ARID1B: variants seen among roughly 807,000 people sequenced by gnomAD.
ARID1B encodes AT-rich interactive domain-containing protein 1B.
In ARID1B, 30 loss-of-function variants were observed where a neutral mutation model predicts 212.3. The ratio of observed to expected loss-of-function variants is 0.14; its 90% confidence interval spans 0.11 to 0.19. The LOEUF (loss-of-function observed/expected upper bound fraction) is 0.19. ARID1B is among the 10% of genes least tolerant of loss of function. The probability of loss-of-function intolerance (pLI) is 1.00; values close to 1 mark genes in which losing one functional copy is unlikely to be tolerated. For missense variants in ARID1B, 2,891 were observed against 3,204.0 expected, an observed-to-expected ratio of 0.90 and a Z score of 2.36; for synonymous variants, 1,402 against 1,301.7, an observed-to-expected ratio of 1.08 and a Z score of -1.66.
chr6:157,184,887 GT>G lies in ARID1B; in HGVS notation c.3919+453del, dbSNP rs1792866215. 1.6e-5 allele frequency: 3 copies of G among 182,786 alleles called. No individual in the cohort carries two copies. The South Asian group carries it at 3.4e-4, about 21-fold the overall frequency. The allele number at this position is 182,786 out of a possible 1,614,324, so 11.3% of individuals were successfully genotyped here. On this transcript the variant is annotated intron_variant, in intron 13 of 19. Transcript: ENST00000636930. ...CGGAAATCCTCAGATTTGAACTTTA[GT>G]AAAATGAAGCCTGGGCTTCGTTTCT...
At chr6:157,061,398 A>G (rs1006102797) in intron 4 of ARID1B, among the ~76,000 whole-genome samples, 2 of 152,214 alleles carry the variant, frequency 1.3e-5, no homozygotes, top group Non-Finnish European at 2.9e-5. Flanking sequence ...TCCACATGTC[A>G]ACCCTGCAAG....
chr6:157,037,849 G>C (rs539778573), intron 4 of ARID1B, among the ~76,000 whole-genome samples: 1 of 152,210 alleles, frequency 6.6e-6, no homozygotes, highest in Non-Finnish European at 1.5e-5. Context: ...GGCAACCGCA[G>C]TGTGCAGGGT....
intron 4 of ARID1B, among the ~76,000 whole-genome samples, chr6:156,999,771 C>T (rs1778804430): frequency 6.6e-6 from 1 of 152,186 alleles, no homozygotes; most frequent in Non-Finnish European, 1.5e-5. Context: ...AATGGAAAAA[C>T]AATTCCACTG....
intron 4 of ARID1B, among the ~76,000 whole-genome samples, chr6:157,043,898 A>G (rs1583206057): frequency 6.6e-6 from 1 of 152,354 alleles, no homozygotes; most frequent in South Asian, 2.1e-4. Context: ...CAGGTTCTGC[A>G]GTTGTATTCA....
In ARID1B at chr6:157,198,869, T is replaced by C; in HGVS notation, c.4441T>C (p.Tyr1481His). The change falls in exon 17 of 20, where the codon TAT becomes CAT. Residue 1481 changes from tyrosine to histidine, a missense_variant. By Grantham distance (83) the Tyr-to-His change is moderately conservative. This residue lies in a region of ARID1B where 666 missense variants were observed against 873.5 expected (regional missense o/e 0.76). Coordinates refer to ENST00000636930, the MANE Select transcript of ARID1B (RefSeq NM_001374828.1). ...AGGCCCTCCCTCGGGACAGCCGCCG[T>C]ATGGAGGGCACCAGCCCGGCCTGTA... ...GQGPPSGQPP[Y>H]GGHQPGLYPQ... is the part of the protein sequence containing the mutation. 1.2e-6 allele frequency: 2 copies of C among 1,610,998 alleles called. No homozygotes were observed. The highest frequency in any genetic ancestry group is 1.7e-6 in the Non-Finnish European group (2 of 1,178,850).
chr6:156,793,816 A>G (rs1438116228), intron 1 of ARID1B, among the ~76,000 whole-genome samples: 1 of 152,262 alleles, frequency 6.6e-6, no homozygotes, highest in Non-Finnish European at 1.5e-5. Flanking sequence ...GCCATAAATA[A>G]CAGTGCTATA....
Position 156,852,607 on chromosome 6 carries a change from A to G in ARID1B, c.1986+23186A>G, listed in dbSNP as rs187746693. Among the ~76,000 whole-genome samples the G allele has an allele frequency of 4.4e-3, 668 of 152,292 alleles. 1 individual carries two copies. Among genetic ancestry groups the G allele is most frequent in the Middle Eastern group, 0.027 (8 of 294 alleles). On this transcript the variant is annotated intron_variant, in intron 2 of 19. Transcript: ENST00000636930. ...TTTTACCATTAGCAGATGTTTTTCCAAAACTAACCACAAGGAAGCATGTCA... is the reference window on the plus strand; with the variant it reads ...TTTTACCATTAGCAGATGTTTTTCCGAAACTAACCACAAGGAAGCATGTCA...
rs754060642 is a variant in ARID1B at position 156,778,289 on chromosome 6, G to GCAA, written c.612_614dup (p.Gln214dup). 3.9e-6 allele frequency: 6 copies of GCAA among 1,531,992 alleles called. No individual in the cohort carries two copies. Among genetic ancestry groups the GCAA allele is most frequent in the Admixed American group, 3.9e-5 (2 of 50,732 alleles). 94.9% of individuals were successfully genotyped at this position (1,531,992 alleles called of 1,614,324 possible). ...AGTTCCAGCAGCAGCAGCAGCAGCA[G>GCAA]CAACAGCAGCAGCAGCAGCAGCAGC... On this transcript the variant is annotated inframe_insertion, in exon 1 of 20. Coordinates refer to ENST00000636930, the MANE Select transcript of ARID1B (RefSeq NM_001374828.1).
intron 4 of ARID1B, among the ~76,000 whole-genome samples, chr6:157,039,520 C>T (rs191033788): frequency 3.2e-3 from 487 of 151,710 alleles, no homozygotes; most frequent in South Asian, 6.9e-3. Context: ...TTAGTAGAGA[C>T]GGGGTTTCAC....
intron 2 of ARID1B, among the ~76,000 whole-genome samples, chr6:156,894,574 T>C (rs1343095043): frequency 6.6e-6 from 1 of 152,202 alleles, no homozygotes; most frequent in African/African-American, 2.4e-5. Context: ...ATGTTAGAAT[T>C]CAGTAGTGGG....
chr6:156,839,788 G>GA (rs1427764552), intron 2 of ARID1B, among the ~76,000 whole-genome samples: 1 of 152,224 alleles, frequency 6.6e-6, no homozygotes, highest in Non-Finnish European at 1.5e-5. Flanking sequence ...AGTGAGACAT[G>GA]AGGCTCCAGG....
chr6:156,842,043 C>G (rs1368116975), intron 2 of ARID1B, among the ~76,000 whole-genome samples: 2 of 152,152 alleles, frequency 1.3e-5, no homozygotes, highest in East Asian at 1.9e-4. Flanking sequence ...CACGTAAAGT[C>G]TTTTGTGACC....
intron 11 of ARID1B, among the ~76,000 whole-genome samples, chr6:157,180,477 G>A (rs1792432966): frequency 6.6e-6 from 1 of 151,988 alleles, no homozygotes; most frequent in Non-Finnish European, 1.5e-5. Flanking sequence ...CCGTGTGGTT[G>A]CTCATCCTCC....
Position 156,778,298 on chromosome 6 carries a change from G to GCAGCAGCAGCAGCAGCAA in ARID1B, c.624_641dup (p.Gln209_Gln214dup), listed in dbSNP as rs2114969903. 6.5e-7 allele frequency: 1 copy of GCAGCAGCAGCAGCAGCAA among 1,537,330 alleles called. No individual in the cohort carries two copies. Among genetic ancestry groups the GCAGCAGCAGCAGCAGCAA allele is most frequent in the Non-Finnish European group, 8.7e-7 (1 of 1,144,938 alleles). The stretch of plus-strand genomic sequence containing the variant: ...AGCAGCAGCAGCAGCAGCAACAGCA[G>GCAGCAGCAGCAGCAGCAA]CAGCAGCAGCAGCAGCAACAGCAAC... On this transcript the variant is annotated inframe_insertion, in exon 1 of 20. Transcript: ENST00000636930.
At chr6:156,788,351 T>C (rs1779785890) in intron 1 of ARID1B, among the ~76,000 whole-genome samples, 2 of 152,216 alleles carry the variant, frequency 1.3e-5, no homozygotes, top group Admixed American at 6.5e-5. Context: ...AGCAGTTGTA[T>C]AAATTGGTTT....
intron 4 of ARID1B, among the ~76,000 whole-genome samples, chr6:157,059,425 G>GT (rs1209802973): frequency 5.9e-5 from 9 of 152,154 alleles, no homozygotes; most frequent in African/African-American, 7.2e-5. Flanking sequence ...ATAGTGAATT[G>GT]TTTGTAAATA....
At chr6:156,882,910 A>G (rs1192781077) in intron 2 of ARID1B, among the ~76,000 whole-genome samples, 1 of 152,204 alleles carries the variant, frequency 6.6e-6, no homozygotes, top group Non-Finnish European at 1.5e-5. Flanking sequence ...TTTTGTGGCT[A>G]GGGGCTTTTA....
intron 3 of ARID1B, among the ~76,000 whole-genome samples, chr6:156,905,511 C>G (rs1211676139): frequency 1.3e-5 from 2 of 152,214 alleles, no homozygotes; most frequent in Non-Finnish European, 2.9e-5. Context: ...CTCAGAGTCT[C>G]CGTTGAAATT....
In ARID1B at chr6:156,945,770, G is replaced by A. The variant is rs141114766; in HGVS notation, c.2247+10194G>A. On this transcript the variant is annotated intron_variant, in intron 4 of 19. Coordinates refer to ENST00000636930, the MANE Select transcript of ARID1B (RefSeq NM_001374828.1). ...GCATGGTGGCCCAGCACTTTGGAAA[G>A]CCATGAGTGGGCAGATTTCTTGAGC... Among the ~76,000 whole-genome samples the A allele has an allele frequency of 2.4e-3, 373 of 152,328 alleles. 2 individuals are homozygous for A. The highest frequency in any genetic ancestry group is 8.7e-3 in the African/African-American group (362 of 41,576).
Sources: allele counts gnomAD v4.1 joint callset (sites outside exome capture counted in the v4.1 genomes callset), GRCh38; gene constraint gnomAD v4.1.1; regional missense constraint gnomAD v4.1.1; transcripts MANE v1.5; gene names NCBI Gene and HGNC (gene_info 2026-07-23, HGNC 2026-07-21).